Variants in EFR3A observed in about 807,000 individuals in gnomAD.
The protein encoded by EFR3A is protein EFR3 homolog A.
Under a neutral mutation model 104.4 loss-of-function variants are expected in EFR3A, and 76 were observed. That is an observed-to-expected ratio of 0.73 (90% CI 0.60 to 0.88). The LOEUF is 0.88. Among genes scored for constraint, EFR3A ranks in the 40% least tolerant of loss-of-function variants. EFR3A has a pLI of 0.00. For synonymous variants in EFR3A, 330 were observed against 330.0 expected (o/e 1.00, Z 0.00); for missense variants, 985 against 1,012.5 (o/e 0.97, Z 0.37).
rs534792773 is a variant in EFR3A at position 131,908,660 on chromosome 8, T to C, written c.10+4338T>C. ...ATGACAGTAAGTAATAGAGCTGTTA[T>C]TGCAACTAGATGGGTCTGACCTCTT... On this transcript the variant is annotated intron_variant, in intron 1 of 22. Transcript: ENST00000254624. 3.3e-5 allele frequency among the ~76,000 whole-genome samples: 5 copies of C among 152,156 alleles called. No individual in the cohort carries two copies. The East Asian group carries it at 9.6e-4, about 29-fold the overall frequency.
intron 2 of EFR3A, among the ~76,000 whole-genome samples, chr8:131,944,160 A>G (rs1818308317): frequency 6.6e-6 from 1 of 152,104 alleles, no homozygotes; most frequent in African/African-American, 2.4e-5. Context: ...GGGAGAATTT[A>G]TGCACCTGTT....
chr8:131,944,888 G>A lies in EFR3A; in HGVS notation c.215+16G>A, dbSNP rs539697739. ...ATCGTTCTGGGTAAGGAAACTAATG[G>A]CTGCTAAAATAGTATCTTTGGAAAA... is the stretch of plus-strand genomic sequence containing the variant. On this transcript the variant is annotated intron_variant, in intron 3 of 22. Coordinates refer to ENST00000254624, the MANE Select transcript of EFR3A (RefSeq NM_015137.6). 2 of 1,603,252 alleles carry A rather than the reference G, an allele frequency of 1.2e-6. No individual in the cohort carries two copies. Among genetic ancestry groups the A allele is most frequent in the Admixed American group, 1.7e-5 (1 of 57,592 alleles).
chr8:131,955,424 T>C (rs1322190863), intron 6 of EFR3A, among the ~76,000 whole-genome samples: 1 of 152,134 alleles, frequency 6.6e-6, no homozygotes, highest in Non-Finnish European at 1.5e-5. Context: ...AAATTAAGGA[T>C]ACCTAAAGAT....
At chr8:132,008,823 G>A (rs1394693069) in intron 22 of EFR3A, among the ~76,000 whole-genome samples, 4 of 108,796 alleles carry the variant, frequency 3.7e-5, no homozygotes, top group African/African-American at 1.3e-4. Flanking sequence ...TCCAGCCTGG[G>A]TGACAAGAGT....
chr8:131,923,998 G>A (rs938925472), intron 1 of EFR3A, among the ~76,000 whole-genome samples: 1 of 151,998 alleles, frequency 6.6e-6, no homozygotes, highest in Admixed American at 6.6e-5. Context: ...CTTAGTATCA[G>A]AGACTTAGTA....
At chr8:131,933,638 A>G (rs1375359810) in intron 1 of EFR3A, among the ~76,000 whole-genome samples, 2 of 152,130 alleles carry the variant, frequency 1.3e-5, no homozygotes, top group African/African-American at 4.8e-5. Flanking sequence ...TTTCCAATAA[A>G]TATGATAATA....
intron 1 of EFR3A, among the ~76,000 whole-genome samples, chr8:131,932,719 CCA>C (rs1419146829): frequency 6.6e-6 from 1 of 152,080 alleles, no homozygotes; most frequent in Non-Finnish European, 1.5e-5. Context: ...GAAACTGTCT[CCA>C]TAATGACTTT....
At chr8:131,968,217 G>T in intron 8 of EFR3A, 78 bp from the exon 9 acceptor site, 1 of 1,398,354 alleles carries the variant, frequency 7.2e-7, no homozygotes, top group African/African-American at 1.4e-5. Flanking sequence ...TACGTGTCAG[G>T]TGTTTTTTTT....
intron 8 of EFR3A, among the ~76,000 whole-genome samples, chr8:131,961,924 A>C (rs2130657345): frequency 6.6e-6 from 1 of 152,294 alleles, no homozygotes; most frequent in East Asian, 1.9e-4. Context: ...TAAAGAAAAG[A>C]ATTTTCAACC....
chr8:131,953,878 A>G lies in EFR3A; in HGVS notation c.549A>G (p.Glu183=). ...TGGTTCGCAAAACAGTCAACGATGA[A>G]CTTCGGGCCACCATTTGGGAACCTC... ...QGVVRKTVND[E]LRATIWEPQH... is the part of the protein sequence containing the mutation. The change falls in exon 6 of 23, where the codon GAA becomes GAG. Residue 183 remains glutamate, a synonymous_variant. Transcript: ENST00000254624. 6.3e-7 allele frequency: 1 copy of G among 1,576,622 alleles called. No individual in the cohort carries two copies.
rs747022120 is a variant in EFR3A, at chr8:132,012,358, TAAAC to T, written c.*1467_*1470del. The stretch of plus-strand genomic sequence containing the variant: ...GCATACTTGAAAATTTCTGAATACT[TAAAC>T]AAAAGCGCAACATCTTGAAAACCAG... On this transcript the variant is annotated 3_prime_UTR_variant, in exon 23 of 23. Coordinates refer to ENST00000254624, the MANE Select transcript of EFR3A (RefSeq NM_015137.6). The T allele has an allele frequency of 9.9e-5, 15 of 152,260 alleles. No homozygotes were observed. The highest frequency in any genetic ancestry group is 2.1e-4 in the South Asian group (1 of 4,828). The allele number at this position is 152,260 out of a possible 1,614,324, so 9.4% of individuals were successfully genotyped here. A position where few individuals can be genotyped will look rare whatever the true frequency, so the allele number is the denominator to read the frequency against.
intron 3 of EFR3A, among the ~76,000 whole-genome samples, 198 bp from the exon 4 acceptor site, chr8:131,946,285 C>G (rs972394040): frequency 1.3e-5 from 2 of 151,976 alleles, no homozygotes; most frequent in Non-Finnish European, 2.9e-5. Context: ...TTTCTGTATA[C>G]TTCGATAAAA....
chr8:131,905,415 T>C (rs1157470335), intron 1 of EFR3A, among the ~76,000 whole-genome samples: 1 of 152,220 alleles, frequency 6.6e-6, no homozygotes, highest in Non-Finnish European at 1.5e-5. Flanking sequence ...TTTCCTGATA[T>C]TTAAGGATAT....
At chr8:131,956,343 C>A (rs1056340850) in intron 7 of EFR3A, among the ~76,000 whole-genome samples, 1 of 152,124 alleles carries the variant, frequency 6.6e-6, no homozygotes, top group African/African-American at 2.4e-5. Flanking sequence ...TGAGTGAATT[C>A]ATCTTTTACA....
At chr8:131,933,121 T>C (rs1217001933) in intron 1 of EFR3A, among the ~76,000 whole-genome samples, 1 of 152,204 alleles carries the variant, frequency 6.6e-6, no homozygotes, top group Admixed American at 6.5e-5. Context: ...CTACTGATAT[T>C]GTAGAAGACA....
At chr8:131,950,688 G>A (rs992259793) in intron 5 of EFR3A, among the ~76,000 whole-genome samples, 6 of 152,068 alleles carry the variant, frequency 3.9e-5, no homozygotes, top group African/African-American at 1.2e-4. Context: ...GCAGTATCGC[G>A]AATACTTTGA....
chr8:131,923,147 A>G (rs1817131486), intron 1 of EFR3A, among the ~76,000 whole-genome samples: 1 of 152,132 alleles, frequency 6.6e-6, no homozygotes, highest in Admixed American at 6.6e-5. Flanking sequence ...GATTATGCAT[A>G]GGTTCACCTC....
At chr8:131,905,046 C>T (rs571201401) in intron 1 of EFR3A, among the ~76,000 whole-genome samples, 25 of 152,276 alleles carry the variant, frequency 1.6e-4, no homozygotes, top group African/African-American at 5.3e-4. Flanking sequence ...TTTAGACAGA[C>T]GCGATACTAC....
chr8:131,955,168 A>G (rs1404412766), intron 6 of EFR3A, among the ~76,000 whole-genome samples: 2 of 152,120 alleles, frequency 1.3e-5, no homozygotes, highest in African/African-American at 4.8e-5. Context: ...TACCAGAAAC[A>G]AAGCTCATTG....
Sources: gnomAD v4.1 joint callset for allele counts (sites outside exome capture counted in the v4.1 genomes callset) on GRCh38, gnomAD v4.1.1 for gene constraint, MANE v1.5 for transcripts, NCBI Gene and HGNC (gene_info 2026-07-23, HGNC 2026-07-21) for gene names.